GOSR2: variants seen among roughly 807,000 people sequenced by gnomAD.
GOSR2 encodes the protein 27 kDa Golgi SNARE protein.
A neutral mutation model predicts 27.9 loss-of-function variants in GOSR2; 20 were observed. The observed-to-expected ratio is 0.72, with a 90% CI of 0.50 to 1.04. GOSR2 has a LOEUF of 1.04. Ranked by LOEUF, GOSR2 falls within the 50% of genes least tolerant of loss-of-function variation. The probability of loss-of-function intolerance (pLI) is 0.00; values close to 1 mark genes in which losing one functional copy is unlikely to be tolerated. For missense variants in GOSR2, 261 were observed against 270.5 expected, an observed-to-expected ratio of 0.97 and a Z score of 0.25; for synonymous variants, 91 against 98.8, an observed-to-expected ratio of 0.92 and a Z score of 0.47.
chr17:46,951,323 T>C (rs1407472098), intron 6 of GOSR2, among the ~76,000 whole-genome samples: 1 of 152,122 alleles, frequency 6.6e-6, no homozygotes, highest in Non-Finnish European at 1.5e-5. Flanking sequence ...GGACCAGAGC[T>C]CATCCACCCA....
chr17:46,947,460 G>A (rs933768702), intron 6 of GOSR2, among the ~76,000 whole-genome samples: 1 of 152,220 alleles, frequency 6.6e-6, no homozygotes, highest in Non-Finnish European at 1.5e-5. Flanking sequence ...TTACGTTCAT[G>A]CTGCTGAGAT....
Position 46,923,167 on chromosome 17 carries a change from G to C in GOSR2, c.-26G>C, listed in dbSNP as rs369892885. Reference sequence around the variant, plus strand: ...ACGTGTTCCGAGGAAGCCAGAGCCGGAGCCGTGGCCTGCGGGGCCGGCGAC... The same window carrying C: ...ACGTGTTCCGAGGAAGCCAGAGCCGCAGCCGTGGCCTGCGGGGCCGGCGAC... On this transcript the variant is annotated 5_prime_UTR_variant, in exon 1 of 6. Coordinates refer to ENST00000640051, the MANE Select transcript of GOSR2 (RefSeq NM_004287.5). 54 of 1,478,622 alleles carry C rather than the reference G, an allele frequency of 3.7e-5. No homozygotes were observed. In the African/African-American group the frequency reaches 5.0e-4, roughly 14 times the overall value. The allele number at this position is 1,478,622 out of a possible 1,614,324, so 91.6% of individuals were successfully genotyped here.
At chr17:46,944,622 T>TTTC (rs1270788351), downstream of GOSR2, among the ~76,000 whole-genome samples, 1 of 151,786 alleles carries the variant, frequency 6.6e-6, no homozygotes, top group African/African-American at 2.4e-5. Context: ...TTTTTTTTTT[T>TTTC]TTCCTCTCAT....
downstream of GOSR2, among the ~76,000 whole-genome samples, chr17:46,942,501 C>T (rs551023736): frequency 1.3e-5 from 2 of 152,308 alleles, no homozygotes; most frequent in South Asian, 2.1e-4. Context: ...CCACACTTCT[C>T]GTGGGGTGCT....
In GOSR2 at chr17:46,931,140, A is replaced by G. The variant is rs534119817; in HGVS notation, c.136A>G (p.Ser46Gly). The G allele has an allele frequency of 1.2e-6, 2 of 1,611,146 alleles. No individual in the cohort carries two copies. The highest frequency in any genetic ancestry group is 3.3e-5 in the Admixed American group (2 of 60,020). The change falls in exon 3 of 6, where the codon AGC (serine) becomes GGC (glycine). Residue 46 changes from serine to glycine, a missense_variant. Coordinates refer to ENST00000640051, the MANE Select transcript of GOSR2 (RefSeq NM_004287.5). Reference sequence around the variant, plus strand: ...CCAAGCAAGCATAGACCAGATATTCAGCCGTCTAGAACGTCTGGAGATTTT... The same window carrying G: ...CCAAGCAAGCATAGACCAGATATTCGGCCGTCTAGAACGTCTGGAGATTTT... ...EIQASIDQIF[S>G]RLERLEILSS...
At chr17:46,967,057 C>T (rs577818757), downstream of GOSR2, 5 of 179,316 alleles carry the variant, frequency 2.8e-5, no homozygotes, top group South Asian at 2.0e-4. Flanking sequence ...GTGGCCTTCC[C>T]GCAGTGAATT....
exon 7 of GOSR2, chr17:46,966,644 G>C (rs1300420563): frequency 1.6e-6 from 1 of 622,172 alleles, no homozygotes; most frequent in Non-Finnish European, 2.9e-6. Flanking sequence ...CCACCACCCT[G>C]ACCTCCAAAT....
intron 1 of GOSR2, 48 bp downstream of exon 1, chr17:46,923,269 G>A: frequency 6.4e-7 from 1 of 1,550,454 alleles, no homozygotes; most frequent in East Asian, 2.4e-5. Context: ...GGCGAGGCCA[G>A]GTGAGCCTGG....
chr17:46,928,045 G>C (rs565884409), intron 1 of GOSR2, among the ~76,000 whole-genome samples: 2 of 152,172 alleles, frequency 1.3e-5, no homozygotes, highest in Non-Finnish European at 2.9e-5. Flanking sequence ...GGCTACCTCA[G>C]GCTGCATTCC....
intron 6 of GOSR2, among the ~76,000 whole-genome samples, chr17:46,957,396 T>C (rs2090789964): frequency 6.6e-6 from 1 of 152,142 alleles, no homozygotes; most frequent in African/African-American, 2.4e-5. Context: ...GTGGATCACT[T>C]GAGGTCAGGA....
At chr17:46,948,377 G>T (rs1459854712) in intron 6 of GOSR2, among the ~76,000 whole-genome samples, 1 of 152,206 alleles carries the variant, frequency 6.6e-6, no homozygotes, top group African/African-American at 2.4e-5. Flanking sequence ...CCTTCATTCA[G>T]CTGGTGTGAT....
chr17:46,932,349 C>G, intron 4 of GOSR2, 150 bp downstream of exon 4: 1 of 838,562 alleles, frequency 1.2e-6, no homozygotes, highest in African/African-American at 1.7e-5. Context: ...TTGTGCATTG[C>G]CACAGAGACT....
rs559653076 is a variant in GOSR2 at position 46,939,970 on chromosome 17, A to G, written c.*1210A>G. On this transcript the variant is annotated 3_prime_UTR_variant, in exon 6 of 6. Coordinates refer to ENST00000640051, the MANE Select transcript of GOSR2 (RefSeq NM_004287.5). ...GGGCACAGCAGCTTCATGGCAAGAC[A>G]TAAAATGACACTCAAAATCCTTCAG... 11 of 1,009,560 alleles carry G rather than the reference A, an allele frequency of 1.1e-5. No homozygotes were observed. The highest frequency in any genetic ancestry group is 1.3e-5 in the Non-Finnish European group (11 of 843,120). The allele number at this position is 1,009,560 out of a possible 1,614,324, so 62.5% of individuals were successfully genotyped here. A position where few individuals can be genotyped will look rare whatever the true frequency, so the allele number is the denominator to read the frequency against.
At chr17:46,923,267 C>T (rs1379388559) in intron 1 of GOSR2, 46 bp downstream of exon 1, 8 of 1,550,206 alleles carry the variant, frequency 5.2e-6, no homozygotes, top group African/African-American at 4.1e-5. Context: ...GAGGCGAGGC[C>T]AGGTGAGCCT....
chr17:46,936,304 A>G, intron 5 of GOSR2: 1 of 985,222 alleles, frequency 1.0e-6, no homozygotes, highest in Non-Finnish European at 1.2e-6. Context: ...TGTCACACTG[A>G]TGAAGAGCCA....
chr17:46,935,129 A>G lies in GOSR2; in HGVS notation c.437A>G (p.Asn146Ser), dbSNP rs1332460078. The change falls in exon 5 of 6, where the codon AAT (asparagine) becomes AGT (serine). Residue 146 changes from asparagine (N) to serine (S), a missense_variant. Transcript: ENST00000640051. ...GMDDLILDGH[N>S]ILDGLRTQRL... ...GATGACCTCATTTTAGATGGGCACA[A>G]TATTTTAGATGGACTGAGGACCCAG... 3 of 1,614,124 alleles carry G rather than the reference A, an allele frequency of 1.9e-6. No homozygotes were observed. The highest frequency in any genetic ancestry group is 1.1e-5 in the South Asian group (1 of 91,078).
chr17:46,935,747 C>T, intron 5 of GOSR2: 3 of 987,644 alleles, frequency 3.0e-6, no homozygotes, highest in Non-Finnish European at 3.6e-6. Flanking sequence ...TTCCTAGAAG[C>T]CCTGACCAGT....
chr17:46,948,952 G>A (rs545647326), intron 6 of GOSR2: 2 of 152,342 alleles, frequency 1.3e-5, no homozygotes, highest in South Asian at 2.1e-4. Context: ...GCTACGAACT[G>A]AGCACCCACC....
In GOSR2 at chr17:46,929,602, G is replaced by C. The variant is rs1217771710; in HGVS notation, c.94+18G>C. ...TGTGCACAGTGAGTAATTAACTGTGGAGACCAGAGTCCTTTCTCTGATGAC... is the reference window on the plus strand; with the variant it reads ...TGTGCACAGTGAGTAATTAACTGTGCAGACCAGAGTCCTTTCTCTGATGAC... On this transcript the variant is annotated intron_variant, in intron 2 of 5. Coordinates refer to ENST00000640051, the MANE Select transcript of GOSR2 (RefSeq NM_004287.5). The C allele has an allele frequency of 7.9e-7, 1 of 1,267,146 alleles. No individual in the cohort carries two copies. Among genetic ancestry groups the C allele is most frequent in the South Asian group, 1.2e-5 (1 of 84,186 alleles). 78.5% of individuals were successfully genotyped at this position (1,267,146 alleles called of 1,614,324 possible). A position where few individuals can be genotyped will look rare whatever the true frequency, so the allele number is the denominator to read the frequency against.
Sources: allele counts gnomAD v4.1 joint callset (sites outside exome capture counted in the v4.1 genomes callset), GRCh38; gene constraint gnomAD v4.1.1; transcripts MANE v1.5; gene names NCBI Gene and HGNC (gene_info 2026-07-23, HGNC 2026-07-21).